ITSN1: variants seen among roughly 807,000 people sequenced by gnomAD.
ITSN1 encodes intersectin-1.
In ITSN1, 58 loss-of-function variants were observed where a neutral mutation model predicts 239.8. The ratio of observed to expected loss-of-function variants is 0.24; its 90% CI spans 0.20 to 0.30. ITSN1 has a LOEUF of 0.30. Among genes scored for constraint, ITSN1 ranks in the 10% least tolerant of loss-of-function variants. The pLI is 1.00. For missense variants in ITSN1, 1,558 were observed against 2,103.3 expected (o/e 0.74, Z 5.07); for synonymous variants, 780 against 770.8 (o/e 1.01, Z -0.20).
At chr21:33,669,442 GT>G (rs34272483) in intron 1 of ITSN1, among the ~76,000 whole-genome samples, 6,378 of 139,836 alleles carry the variant, frequency 0.046, 405 homozygotes, top group African/African-American at 0.15. Context: ...TTTCATTTAA[GT>G]TTTTTTTTTT....
intron 19 of ITSN1, among the ~76,000 whole-genome samples, chr21:33,800,685 A>G (rs1816715649): frequency 6.6e-6 from 1 of 152,108 alleles, no homozygotes; most frequent in East Asian, 1.9e-4. Flanking sequence ...AAAATCAGAC[A>G]TGGTTGATCT....
At chr21:33,731,193 A>T (rs1343677128) in intron 4 of ITSN1, among the ~76,000 whole-genome samples, 1 of 152,208 alleles carries the variant, frequency 6.6e-6, no homozygotes, top group East Asian at 1.9e-4. Context: ...ACACTTCTGT[A>T]GGACACCTTT....
chr21:33,899,343 CCCTCA>C lies in ITSN1; in HGVS notation c.*11045_*11049del. The C allele has an allele frequency of 6.6e-6, 1 of 152,358 alleles. No homozygotes were observed. Among genetic ancestry groups the C allele is most frequent in the East Asian group, 1.9e-4 (1 of 5,186 alleles). 9.4% of individuals were successfully genotyped at this position (152,358 alleles called of 1,614,324 possible). On this transcript the variant is annotated 3_prime_UTR_variant, in exon 40 of 40. Transcript: ENST00000381318. The stretch of plus-strand genomic sequence containing the variant: ...CCACAGTGCTGGTGGCATGTTGCTT[CCCTCA>C]CAGCCCTGCCCAGGGGTAGGACCAG...
At chr21:33,830,168 G>A (rs896617067) in intron 27 of ITSN1, among the ~76,000 whole-genome samples, 12 of 152,258 alleles carry the variant, frequency 7.9e-5, no homozygotes, top group African/African-American at 1.7e-4. Context: ...GTGTGTGCGC[G>A]CACGTGTGTG....
intron 28 of ITSN1, 114 bp from the exon 29 acceptor site, chr21:33,836,327 C>G: frequency 1.5e-6 from 1 of 677,898 alleles, no homozygotes. Flanking sequence ...CACCTACTGT[C>G]ACCCTCTTCT....
chr21:33,701,396 A>T (rs2092004326), intron 1 of ITSN1, among the ~76,000 whole-genome samples: 1 of 152,110 alleles, frequency 6.6e-6, no homozygotes, highest in Admixed American at 6.6e-5. Flanking sequence ...AAGTGCTGGG[A>T]TTACAGGTGT....
At chr21:33,698,170 T>A (rs2091877182) in intron 1 of ITSN1, among the ~76,000 whole-genome samples, 1 of 152,210 alleles carries the variant, frequency 6.6e-6, no homozygotes, top group South Asian at 2.1e-4. Context: ...ATTGAAGCTC[T>A]CCAGGCTAGA....
At chr21:33,698,249 G>A (rs1031752852) in intron 1 of ITSN1, among the ~76,000 whole-genome samples, 9 of 152,162 alleles carry the variant, frequency 5.9e-5, no homozygotes, top group Non-Finnish European at 1.0e-4. Flanking sequence ...ATGCCATTGA[G>A]TGTTGCCAAG....
intron 1 of ITSN1, among the ~76,000 whole-genome samples, chr21:33,695,652 A>AT (rs2091761079): frequency 3.9e-5 from 6 of 152,342 alleles, no homozygotes; most frequent in Non-Finnish European, 7.3e-5. Flanking sequence ...GCCTTTAGAA[A>AT]GTTTTTTATA....
chr21:33,679,306 G>A (rs2090788313), intron 1 of ITSN1, among the ~76,000 whole-genome samples: 1 of 152,150 alleles, frequency 6.6e-6, no homozygotes, highest in Non-Finnish European at 1.5e-5. Context: ...AGTTGATGAT[G>A]TCTGTGCTTC....
intron 1 of ITSN1, among the ~76,000 whole-genome samples, chr21:33,652,941 G>C (rs2088674283): frequency 6.6e-6 from 1 of 151,606 alleles, no homozygotes; most frequent in Non-Finnish European, 1.5e-5. Flanking sequence ...AAAACTGAGG[G>C]CATCAGTATC....
At chr21:33,691,234 A>G (rs2091533048) in intron 1 of ITSN1, among the ~76,000 whole-genome samples, 1 of 152,194 alleles carries the variant, frequency 6.6e-6, no homozygotes, top group South Asian at 2.1e-4. Context: ...ACTGTCATAT[A>G]ATAAACAGTC....
intron 26 of ITSN1, among the ~76,000 whole-genome samples, chr21:33,827,165 C>T (rs990448689): frequency 1.3e-5 from 2 of 152,120 alleles, no homozygotes; most frequent in East Asian, 1.9e-4. Context: ...TTTTGGAGAC[C>T]GAGGCAGGTG....
chr21:33,848,792 A>G (rs969810355), intron 29 of ITSN1, among the ~76,000 whole-genome samples: 3 of 151,796 alleles, frequency 2.0e-5, no homozygotes, highest in Non-Finnish European at 2.9e-5. Context: ...TCCAATTTCT[A>G]TTTACTCCCA....
At chr21:33,826,773 A>T in intron 25 of ITSN1, 45 bp from the exon 26 acceptor site, 4 of 1,581,152 alleles carry the variant, frequency 2.5e-6, no homozygotes, top group Non-Finnish European at 3.5e-6. Flanking sequence ...AAGTTGCATG[A>T]TCAAAACTTC....
At chr21:33,829,475 C>G (rs1338902964) in intron 26 of ITSN1, 149 bp from the exon 27 acceptor site, 1 of 795,854 alleles carries the variant, frequency 1.3e-6, no homozygotes. Context: ...ACGGGCGATT[C>G]AGGGAGCCTT....
At chr21:33,675,450 C>A (rs1227034710) in intron 1 of ITSN1, among the ~76,000 whole-genome samples, 3 of 151,962 alleles carry the variant, frequency 2.0e-5, no homozygotes, top group Non-Finnish European at 4.4e-5. Flanking sequence ...GCTTGTAGTC[C>A]CAGCTACTTG....
At chr21:33,846,898 C>T (rs528357506) in intron 29 of ITSN1, among the ~76,000 whole-genome samples, 47 of 152,340 alleles carry the variant, frequency 3.1e-4, no homozygotes, top group East Asian at 2.3e-3. Flanking sequence ...GCTTATGAAG[C>T]ATAAGGATTG....
chr21:33,702,969 CG>C (rs1261698053), intron 1 of ITSN1, among the ~76,000 whole-genome samples: 2 of 151,742 alleles, frequency 1.3e-5, no homozygotes, highest in Admixed American at 6.6e-5. Flanking sequence ...TCCAGCTACT[CG>C]GGAGGCTGAG....
Sources: gnomAD v4.1 joint callset for allele counts (sites outside exome capture counted in the v4.1 genomes callset) on GRCh38, gnomAD v4.1.1 for gene constraint, MANE v1.5 for transcripts, NCBI Gene and HGNC (gene_info 2026-07-23, HGNC 2026-07-21) for gene names.